Variants in DCP1B observed in about 807,000 individuals in gnomAD.
DCP1B encodes decapping mRNA 1B, also known as mRNA-decapping enzyme 1B.
In DCP1B, 47 loss-of-function variants were observed where a neutral mutation model predicts 60.5. The ratio of observed to expected loss-of-function variants is 0.78; its 90% CI spans 0.61 to 0.99. The LOEUF (loss-of-function observed/expected upper bound fraction) is 0.99. Among genes scored for constraint, DCP1B ranks in the 50% least tolerant of loss-of-function variants. The pLI, the probability that DCP1B is intolerant of heterozygous loss-of-function variation, is 0.00. For missense variants in DCP1B, 725 were observed against 756.8 expected (o/e 0.96, Z 0.49); for synonymous variants, 267 against 280.3 (o/e 0.95, Z 0.47).
At chr12:1,966,412 G>T (rs755910611) in intron 4 of DCP1B, among the ~76,000 whole-genome samples, 3 of 152,240 alleles carry the variant, frequency 2.0e-5, no homozygotes, top group East Asian at 1.9e-4. Context: ...GCTAGGTGAT[G>T]TCGAGGAAAA....
intron 1 of DCP1B, among the ~76,000 whole-genome samples, chr12:2,002,702 A>T (rs1240452391): frequency 6.6e-6 from 1 of 152,200 alleles, no homozygotes; most frequent in Non-Finnish European, 1.5e-5. Context: ...CAACTTACAG[A>T]ACTATACATC....
chr12:1,958,661 G>T (rs558778714), intron 5 of DCP1B, among the ~76,000 whole-genome samples: 1 of 143,936 alleles, frequency 6.9e-6, no homozygotes, highest in African/African-American at 2.6e-5. Context: ...CGTCGCTCTG[G>T]GCAATGACTT....
Position 1,953,207 on chromosome 12 carries a change from C to G in DCP1B, c.733G>C (p.Glu245Gln), listed in dbSNP as rs1454046386. ...QDKATCQETV[E>Q]PPQTLHQQQQ... ...TGCTGGTGGAGAGTCTGCGGAGGCTCCACAGTTTCCTGACATGTAGCTTTG... is the reference window on the plus strand; with the variant it reads ...TGCTGGTGGAGAGTCTGCGGAGGCTGCACAGTTTCCTGACATGTAGCTTTG... The change falls in exon 7 of 9, where the codon GAG becomes CAG. Residue 245 changes from glutamate to glutamine, a missense_variant. Glu to Gln is a conservative substitution (Grantham distance 29). Coordinates refer to ENST00000280665, the MANE Select transcript of DCP1B (RefSeq NM_152640.5). 3 of 1,608,628 alleles carry G rather than the reference C, an allele frequency of 1.9e-6. No individual in the cohort carries two copies. Among genetic ancestry groups the G allele is most frequent in the Non-Finnish European group, 2.5e-6 (3 of 1,179,996 alleles).
At chr12:1,997,053 A>G (rs946754990) in intron 2 of DCP1B, among the ~76,000 whole-genome samples, 2 of 152,228 alleles carry the variant, frequency 1.3e-5, no homozygotes, top group African/African-American at 4.8e-5. Context: ...TTGAGCCAAT[A>G]TACATAATGT....
chr12:1,992,288 T>C (rs1001984859), intron 3 of DCP1B: 2 of 158,980 alleles, frequency 1.3e-5, no homozygotes, highest in African/African-American at 4.8e-5. Context: ...CCACCTATTA[T>C]GACAATTATA....
chr12:1,947,845 T>C (rs1456815483), intron 8 of DCP1B, among the ~76,000 whole-genome samples: 1 of 152,232 alleles, frequency 6.6e-6, no homozygotes, highest in Non-Finnish European at 1.5e-5. Context: ...ACATGTTTCC[T>C]TCTTTTGTAG....
At chr12:1,993,031 A>G in intron 3 of DCP1B, 1 of 664,270 alleles carries the variant, frequency 1.5e-6, no homozygotes, top group Non-Finnish European at 2.6e-6. Context: ...TAAAGCTTCA[A>G]AAGACAGGGT....
chr12:1,954,253 C>T (rs1180961241), intron 6 of DCP1B, among the ~76,000 whole-genome samples: 1 of 151,556 alleles, frequency 6.6e-6, no homozygotes, highest in Non-Finnish European at 1.5e-5. Context: ...TCAGGTCTCG[C>T]TATTAAAATA....
rs187642363 is a variant in DCP1B at position 1,982,295 on chromosome 12, G to A, written c.319+10969C>T. On this transcript the variant is annotated intron_variant, in intron 3 of 8. Transcript: ENST00000280665. ...GCATTAAGCACATCCACAATATTGT[G>A]CAACCATCACCGCTATCCATCTCCA... Among the ~76,000 whole-genome samples, 852 of 152,136 alleles carry A rather than the reference G, an allele frequency of 5.6e-3. 6 individuals are homozygous for A. Among genetic ancestry groups the A allele is most frequent in the African/African-American group, 0.019 (784 of 41,494 alleles).
At chr12:1,995,527 A>G (rs1236904030) in intron 2 of DCP1B, among the ~76,000 whole-genome samples, 1 of 152,256 alleles carries the variant, frequency 6.6e-6, no homozygotes, top group Non-Finnish European at 1.5e-5. Flanking sequence ...GAGACTGTGA[A>G]GAACCTGACC....
intron 8 of DCP1B, 63 bp downstream of exon 8, chr12:1,949,021 CAT>C: frequency 6.4e-7 from 1 of 1,573,860 alleles, no homozygotes; most frequent in Non-Finnish European, 8.7e-7. Flanking sequence ...GTCTTTATCT[CAT>C]AGTTGCAGCC....
Position 1,993,312 on chromosome 12 carries a change from A to T in DCP1B, c.271T>A (p.Leu91Met). The T allele has an allele frequency of 6.2e-7, 1 of 1,614,144 alleles. No homozygotes were observed. Among genetic ancestry groups the T allele is most frequent in the Non-Finnish European group, 8.5e-7 (1 of 1,179,992 alleles). The change falls in exon 3 of 9, where the codon TTG becomes ATG. Residue 91 changes from leucine (L) to methionine (M), a missense_variant. Physicochemically the swap from Leu to Met is conservative, Grantham distance 15. Coordinates refer to ENST00000280665, the MANE Select transcript of DCP1B (RefSeq NM_152640.5). ...ENRTEPITKD[L>M]DFQLQDPFLL... ...AAAGGGTCCTGGAGTTGGAAATCCA[A>T]GTCTTTAGTAATAGGTTCTGTCCTA...
At chr12:1,993,523 C>T (rs889116965) in intron 2 of DCP1B, 132 bp from the exon 3 acceptor site, 17 of 1,079,224 alleles carry the variant, frequency 1.6e-5, no homozygotes, top group Non-Finnish European at 2.0e-5. Flanking sequence ...GCAGCCTGTA[C>T]ACGTACTTCT....
chr12:1,988,438 G>A (rs775998872), intron 3 of DCP1B, among the ~76,000 whole-genome samples: 1 of 152,178 alleles, frequency 6.6e-6, no homozygotes, highest in Non-Finnish European at 1.5e-5. Flanking sequence ...ACAACAAGGT[G>A]AGTACATATT....
chr12:1,953,143 A>T lies in DCP1B; in HGVS notation c.797T>A (p.Ile266Asn), dbSNP rs151238098. 3.7e-6 allele frequency: 6 copies of T among 1,608,098 alleles called. No individual in the cohort carries two copies. Among genetic ancestry groups the T allele is most frequent in the African/African-American group, 1.4e-5 (1 of 72,162 alleles). Residue 266 changes from isoleucine to asparagine, a missense_variant, in exon 7 of 9, where the codon ATT (isoleucine) becomes AAT (asparagine). Ile to Asn is a moderately radical substitution (Grantham distance 149, BLOSUM62 -3). Coordinates refer to ENST00000280665, the MANE Select transcript of DCP1B (RefSeq NM_152640.5). ...CAGGGAGCGTACAACCCCCTGCCTA[A>T]TTGGAAGCTTCTCTTGCTGCTGCTG... ...QQQQQQEKLPIRQGVVRSLSY... is the reference protein window; with the variant it reads ...QQQQQQEKLPNRQGVVRSLSY...
chr12:1,985,190 T>C (rs575562550), intron 3 of DCP1B, among the ~76,000 whole-genome samples: 18 of 152,296 alleles, frequency 1.2e-4, no homozygotes, highest in Non-Finnish European at 2.4e-4. Flanking sequence ...GTTTTGGACA[T>C]TATTTTTTCA....
Position 1,967,830 on chromosome 12 carries a change from CT to C in DCP1B, c.386+13del, listed in dbSNP as rs1477660775. ...CACCAGGTCCTGAAAAATATTTAGC[CT>C]TTTAGTACTTACTTTTTCATAAGCT... On this transcript the variant is annotated intron_variant, in intron 4 of 8. Transcript: ENST00000280665. The C allele has an allele frequency of 6.2e-7, 1 of 1,608,250 alleles. No individual in the cohort carries two copies.
chr12:1,975,321 C>T (rs1242758178), intron 3 of DCP1B, among the ~76,000 whole-genome samples: 3 of 151,884 alleles, frequency 2.0e-5, no homozygotes, highest in East Asian at 3.9e-4. Context: ...TTTCCTTCTT[C>T]AAAACCCATA....
chr12:1,958,048 A>C (rs926709159), intron 5 of DCP1B, among the ~76,000 whole-genome samples: 1 of 150,922 alleles, frequency 6.6e-6, no homozygotes. Flanking sequence ...GGAAGGAAAC[A>C]GGGGAAAAGC....
Sources: gnomAD v4.1 joint callset for allele counts (sites outside exome capture counted in the v4.1 genomes callset) on GRCh38, gnomAD v4.1.1 for gene constraint, MANE v1.5 for transcripts, NCBI Gene and HGNC (gene_info 2026-07-23, HGNC 2026-07-21) for gene names.